The following TMEM108 variants were observed in gnomAD, a reference collection of about 807,000 sequenced individuals.
TMEM108 encodes cancer/testis antigen 124.
Under a neutral mutation model 35.1 loss-of-function variants are expected in TMEM108, and 12 were observed. The observed-to-expected ratio is 0.34, with a 90% CI of 0.22 to 0.55. TMEM108 has a LOEUF of 0.55. TMEM108 is among the 20% of genes least tolerant of loss of function. The pLI, the probability that TMEM108 is intolerant of heterozygous loss-of-function variation, is 0.89. For synonymous variants in TMEM108, 287 were observed against 308.6 expected, an observed-to-expected ratio of 0.93 and a Z score of 0.73; for missense variants, 680 against 753.3, an observed-to-expected ratio of 0.90 and a Z score of 1.14.
At chr3:133,316,354 C>T (rs2071199210) in intron 3 of TMEM108, among the ~76,000 whole-genome samples, 3 of 152,136 alleles carry the variant, frequency 2.0e-5, no homozygotes, top group Admixed American at 6.5e-5. Flanking sequence ...GAAAAAAGTA[C>T]ATTTTTAAAA....
intron 2 of TMEM108, among the ~76,000 whole-genome samples, chr3:133,067,133 T>C (rs75476583): frequency 0.028 from 4,195 of 152,278 alleles, 99 homozygotes; most frequent in South Asian, 0.06. Flanking sequence ...TGTGTGAGAC[T>C]TTCTCTAGGT....
At chr3:133,300,060 G>T (rs543880879) in intron 3 of TMEM108, among the ~76,000 whole-genome samples, 64 of 152,192 alleles carry the variant, frequency 4.2e-4, no homozygotes, top group Non-Finnish European at 6.2e-4. Flanking sequence ...AGTTAGAATC[G>T]GTAGACTACT....
intron 3 of TMEM108, among the ~76,000 whole-genome samples, chr3:133,275,552 C>T (rs761479447): frequency 6.6e-6 from 1 of 152,150 alleles, no homozygotes; most frequent in Non-Finnish European, 1.5e-5. Context: ...GGACTCTTTT[C>T]TGGCTATTAA....
At position 133,066,729 on chromosome 3, in the gene TMEM108, A is replaced by G. The variant is rs117411432; in HGVS notation, c.-47+20709A>G. ...ATTATTTATGAAGAATAAAGTGCAT[A>G]CCCTCTGCCTAGCTTAAAAATAAAA... On this transcript the variant is annotated intron_variant, in intron 2 of 5. Transcript: ENST00000321871. 2.0e-4 allele frequency among the ~76,000 whole-genome samples: 31 copies of G among 152,306 alleles called. No individual in the cohort carries two copies. In the East Asian group the frequency reaches 5.6e-3, roughly 27 times the overall value.
intron 3 of TMEM108, among the ~76,000 whole-genome samples, chr3:133,233,164 A>G (rs1255252292): frequency 1.3e-5 from 2 of 151,920 alleles, no homozygotes; most frequent in Admixed American, 6.6e-5. Flanking sequence ...AGCATTAGGT[A>G]TATCTCCTAA....
At chr3:133,384,660 C>A (rs1047020654) in intron 4 of TMEM108, among the ~76,000 whole-genome samples, 1 of 152,182 alleles carries the variant, frequency 6.6e-6, no homozygotes, top group Non-Finnish European at 1.5e-5. Flanking sequence ...CATCAGGACG[C>A]ACAGAGCCCA....
intron 3 of TMEM108, among the ~76,000 whole-genome samples, chr3:133,321,886 C>T (rs2071271998): frequency 6.6e-6 from 1 of 152,140 alleles, no homozygotes; most frequent in Admixed American, 6.6e-5. Context: ...ACCCTCAAAA[C>T]TATAGAAATA....
At chr3:133,351,089 A>C (rs1296495478) in intron 3 of TMEM108, among the ~76,000 whole-genome samples, 2 of 152,122 alleles carry the variant, frequency 1.3e-5, no homozygotes, top group Non-Finnish European at 2.9e-5. Context: ...TAGGTGGGAG[A>C]AGAAAACAGT....
intron 2 of TMEM108, among the ~76,000 whole-genome samples, chr3:133,181,279 C>G (rs1404759550): frequency 6.6e-6 from 1 of 152,054 alleles, no homozygotes; most frequent in Non-Finnish European, 1.5e-5. Context: ...CCTGAGTGGT[C>G]TTACCTATGC....
chr3:133,258,826 C>A (rs561093578), intron 3 of TMEM108, among the ~76,000 whole-genome samples: 1 of 152,310 alleles, frequency 6.6e-6, no homozygotes, highest in Non-Finnish European at 1.5e-5. Context: ...AAAGTTTATT[C>A]TTAGAATTGT....
intron 3 of TMEM108, among the ~76,000 whole-genome samples, chr3:133,268,219 A>G (rs7634139): frequency 0.6 from 91,956 of 152,106 alleles, 27,755 homozygotes; most frequent in South Asian, 0.65. Flanking sequence ...CAGTATGGAG[A>G]AAGGTCCTTG....
At chr3:133,272,272 CGTGTGTGT>C (rs3078833) in intron 3 of TMEM108, among the ~76,000 whole-genome samples, 1,521 of 137,826 alleles carry the variant, frequency 0.011, 31 homozygotes, top group African/African-American at 0.038. Flanking sequence ...CATACACGTA[CGTGTGTGT>C]GTGTGTGTGT....
At chr3:133,084,287 T>C (rs963478536) in intron 2 of TMEM108, among the ~76,000 whole-genome samples, 4 of 152,218 alleles carry the variant, frequency 2.6e-5, no homozygotes, top group African/African-American at 7.2e-5. Flanking sequence ...AACTAGATTT[T>C]CTTCAATGCT....
At chr3:133,120,057 T>C (rs1944334075) in intron 2 of TMEM108, among the ~76,000 whole-genome samples, 1 of 152,218 alleles carries the variant, frequency 6.6e-6, no homozygotes, top group African/African-American at 2.4e-5. Context: ...CAGCCCAAGA[T>C]AGAGACCAAC....
chr3:133,241,636 A>G, intron 3 of TMEM108, among the ~76,000 whole-genome samples: 2 of 105,332 alleles, frequency 1.9e-5, no homozygotes, highest in Admixed American at 1.2e-4. Flanking sequence ...TTTTTTTGAG[A>G]CAGAATTTCG....
chr3:133,237,071 A>T (rs895691535), intron 3 of TMEM108, among the ~76,000 whole-genome samples: 1 of 152,122 alleles, frequency 6.6e-6, no homozygotes, highest in African/African-American at 2.4e-5. Flanking sequence ...TTAAAGAGGT[A>T]AGCTTCCTAG....
intron 2 of TMEM108, among the ~76,000 whole-genome samples, chr3:133,198,758 G>T (rs914717184): frequency 6.6e-6 from 1 of 152,126 alleles, no homozygotes; most frequent in African/African-American, 2.4e-5. Flanking sequence ...TCTATTATGT[G>T]TCTTGGCATT....
chr3:133,123,540 A>G (rs534479376), intron 2 of TMEM108, among the ~76,000 whole-genome samples: 2 of 152,350 alleles, frequency 1.3e-5, no homozygotes, highest in South Asian at 4.1e-4. Flanking sequence ...ATAAGTGAAA[A>G]TAGTATCTTA....
At chr3:133,215,663 T>C (rs1945897418) in intron 2 of TMEM108, among the ~76,000 whole-genome samples, 1 of 152,192 alleles carries the variant, frequency 6.6e-6, no homozygotes, top group Non-Finnish European at 1.5e-5. Context: ...TGAATTTATA[T>C]GTATAATAAA....
Sources: allele counts gnomAD v4.1 joint callset (sites outside exome capture counted in the v4.1 genomes callset), GRCh38; gene constraint gnomAD v4.1.1; transcripts MANE v1.5; gene names NCBI Gene and HGNC (gene_info 2026-07-23, HGNC 2026-07-21).